The following LRSAM1 variants were observed in gnomAD, a reference collection of about 807,000 sequenced individuals.
LRSAM1 encodes E3 ubiquitin-protein ligase LRSAM1.
In LRSAM1, 96 loss-of-function variants were observed where a neutral mutation model predicts 118.1. The ratio of observed to expected loss-of-function variants is 0.81; its 90% CI spans 0.69 to 0.96. The LOEUF (loss-of-function observed/expected upper bound fraction) is 0.96. Among genes scored for constraint, LRSAM1 ranks in the 40% least tolerant of loss-of-function variants. The probability of loss-of-function intolerance (pLI) is 0.00; values close to 1 mark genes in which losing one functional copy is unlikely to be tolerated. For missense variants in LRSAM1, 804 were observed against 915.5 expected, an observed-to-expected ratio of 0.88 and a Z score of 1.57; for synonymous variants, 322 against 364.2, an observed-to-expected ratio of 0.88 and a Z score of 1.32.
In LRSAM1 at chr9:127,478,924, T is replaced by G; in HGVS notation, c.751-10T>G. 1 of 1,614,084 alleles carries G rather than the reference T, an allele frequency of 6.2e-7. No individual in the cohort carries two copies. The highest frequency in any genetic ancestry group is 8.5e-7 in the Non-Finnish European group (1 of 1,179,952). The stretch of plus-strand genomic sequence containing the variant: ...ACCCTCTCTTGACCACTGTCTTTTT[T>G]TCCTCCCAGAACAGGTTCTCAGACT... On this transcript the variant is annotated splice_polypyrimidine_tract_variant and intron_variant, in intron 11 of 25. Transcript: ENST00000300417.
At chr9:127,466,992 T>C (rs1834976195) in intron 9 of LRSAM1, among the ~76,000 whole-genome samples, 1 of 152,116 alleles carries the variant, frequency 6.6e-6, no homozygotes, top group Non-Finnish European at 1.5e-5. Context: ...AATGAGACCC[T>C]GTCTCAGAAA....
chr9:127,463,846 G>A (rs1357180133), intron 9 of LRSAM1, among the ~76,000 whole-genome samples: 2 of 152,180 alleles, frequency 1.3e-5, no homozygotes, highest in Non-Finnish European at 1.5e-5. Flanking sequence ...ACCTGGAATC[G>A]CTCCGTGTAT....
chr9:127,466,520 T>A (rs1221172904), intron 9 of LRSAM1, among the ~76,000 whole-genome samples: 7 of 96,438 alleles, frequency 7.3e-5, no homozygotes, highest in East Asian at 6.2e-4. Flanking sequence ...TTTTTTTTTT[T>A]TTTTTTTTTT....
rs370502826 is a variant in LRSAM1 at position 127,467,841 on chromosome 9, G to A, written c.619+11G>A. 3.1e-5 allele frequency: 48 copies of A among 1,570,536 alleles called. 1 individual carries two copies. In the Middle Eastern group the frequency reaches 7.2e-4, roughly 24 times the overall value. On this transcript the variant is annotated intron_variant, in intron 10 of 25. Transcript: ENST00000300417. The stretch of plus-strand genomic sequence containing the variant: ...AGTTCCTCTGCAAAGGTAAAGCCAG[G>A]CCGCTGCCTCCTCCCCTCATTGAGG...
chr9:127,494,144 C>T (rs940471357), intron 21 of LRSAM1, among the ~76,000 whole-genome samples: 8 of 152,226 alleles, frequency 5.3e-5, no homozygotes, highest in African/African-American at 1.4e-4. Flanking sequence ...GAGGAAGCAC[C>T]GCCCCAGCAG....
intron 2 of LRSAM1, chr9:127,453,554 C>T (rs1834401256): frequency 6.6e-6 from 1 of 152,428 alleles, no homozygotes; most frequent in African/African-American, 2.4e-5. Flanking sequence ...TGATCCTGCT[C>T]TGACAGCGTT....
In LRSAM1 at chr9:127,491,202, G is replaced by A. The variant is rs751110136; in HGVS notation, c.1423-13G>A. The A allele has an allele frequency of 1.2e-5, 20 of 1,610,814 alleles. No individual in the cohort carries two copies. The highest frequency in any genetic ancestry group is 4.4e-5 in the South Asian group (4 of 91,040). Reference sequence around the variant, plus strand: ...TGTGAGTAAAAAAAAACCCTGTCTCGTCTTCTGTTTAGATTAAGTTAATAG... The same window carrying A: ...TGTGAGTAAAAAAAAACCCTGTCTCATCTTCTGTTTAGATTAAGTTAATAG... On this transcript the variant is annotated splice_polypyrimidine_tract_variant and intron_variant, in intron 19 of 25. Transcript: ENST00000300417.
At chr9:127,468,005 G>A (rs1432798582) in intron 10 of LRSAM1, among the ~76,000 whole-genome samples, 175 bp downstream of exon 10, 1 of 152,260 alleles carries the variant, frequency 6.6e-6, no homozygotes, top group Non-Finnish European at 1.5e-5. Flanking sequence ...CAGGGAAATA[G>A]ATACAGACTG....
intron 6 of LRSAM1, among the ~76,000 whole-genome samples, 183 bp downstream of exon 6, chr9:127,457,576 A>G (rs1427573234): frequency 6.6e-6 from 1 of 152,216 alleles, no homozygotes; most frequent in Non-Finnish European, 1.5e-5. Context: ...AGGGTGACAA[A>G]GATGACCAGC....
At chr9:127,494,419 T>C (rs1836046312) in intron 21 of LRSAM1, among the ~76,000 whole-genome samples, 1 of 152,236 alleles carries the variant, frequency 6.6e-6, no homozygotes, top group African/African-American at 2.4e-5. Context: ...GGCAGGTTAC[T>C]CATCACCCTG....
intron 24 of LRSAM1, among the ~76,000 whole-genome samples, chr9:127,497,604 T>C (rs1004574713): frequency 2.6e-5 from 4 of 152,154 alleles, no homozygotes; most frequent in Non-Finnish European, 5.9e-5. Flanking sequence ...TAGCCTTCCC[T>C]CAGTCCACCC....
rs1223306334 is a variant in LRSAM1 at position 127,496,105 on chromosome 9, A to C, written c.1830+10A>C. On this transcript the variant is annotated intron_variant, in intron 23 of 25. Transcript: ENST00000300417. ...AGGGGACCTGGCCAAGGTGGGCAGC[A>C]GCCGTCTGCATGGAGGGGAGGGGCA... The C allele has an allele frequency of 6.2e-7, 1 of 1,607,218 alleles. No homozygotes were observed. Among genetic ancestry groups the C allele is most frequent in the Admixed American group, 1.7e-5 (1 of 60,020 alleles).
At chr9:127,488,942 C>T (rs575580174) in intron 18 of LRSAM1, among the ~76,000 whole-genome samples, 2 of 152,270 alleles carry the variant, frequency 1.3e-5, no homozygotes, top group South Asian at 4.1e-4. Context: ...CTTCTTCCCT[C>T]GCCTTTCTCC....
At chr9:127,480,739 G>A (rs532278475) in intron 14 of LRSAM1, among the ~76,000 whole-genome samples, 125 of 152,330 alleles carry the variant, frequency 8.2e-4, no homozygotes, top group Non-Finnish European at 1.3e-3. Context: ...TGAGGCTGGA[G>A]TGCAGTGGTG....
Position 127,455,561 on chromosome 9 carries a change from T to TTTATC in LRSAM1, c.130-6_130-2dup. 2.5e-6 allele frequency: 4 copies of TTTATC among 1,614,066 alleles called. No homozygotes were observed. The highest frequency in any genetic ancestry group is 2.5e-6 in the Non-Finnish European group (3 of 1,179,900). On this transcript the variant is annotated splice_polypyrimidine_tract_variant and intron_variant, in intron 4 of 25. Coordinates refer to ENST00000300417, the MANE Select transcript of LRSAM1 (RefSeq NM_001005373.4). ...GCAGGAGGGGAGACACTTACTCTTCTTTATCTTATCTTAGATTCCATTTGG... is the reference window on the plus strand; with the variant it reads ...GCAGGAGGGGAGACACTTACTCTTCTTTATCTTATCTTATCTTAGATTCCATTTGG...
intron 6 of LRSAM1, among the ~76,000 whole-genome samples, chr9:127,458,074 G>A (rs1025315621): frequency 2.7e-5 from 4 of 150,872 alleles, no homozygotes; most frequent in Non-Finnish European, 5.9e-5. Context: ...CCTTTTTTGT[G>A]CATTTTCATT....
Position 127,483,033 on chromosome 9 carries a change from A to T in LRSAM1, c.1159+13A>T, listed in dbSNP as rs756667241. The T allele has an allele frequency of 8.3e-5, 134 of 1,606,426 alleles. No individual in the cohort carries two copies. Among genetic ancestry groups the T allele is most frequent in the Non-Finnish European group, 1.1e-4 (131 of 1,176,584 alleles). ...CGTGACGTTGCCTGTGAGTTTTGGG[A>T]TGGGGAGCTTGTGAGCACGCTGCCT... On this transcript the variant is annotated intron_variant, in intron 16 of 25. Coordinates refer to ENST00000300417, the MANE Select transcript of LRSAM1 (RefSeq NM_001005373.4).
intron 22 of LRSAM1, 92 bp from the exon 23 acceptor site, chr9:127,495,872 T>TATG: frequency 1.3e-6 from 2 of 1,535,472 alleles, no homozygotes; most frequent in South Asian, 1.2e-5. Flanking sequence ...TTCTATGTAT[T>TATG]ATGTTATAAA....
At chr9:127,466,505 T>TATATATATATATATATATATATA (rs61032058) in intron 9 of LRSAM1, among the ~76,000 whole-genome samples, 1 of 18,992 alleles carries the variant, frequency 5.3e-5, no homozygotes, top group East Asian at 1.3e-3. Context: ...TATATATATA[T>TATATATATATATATATATATATA]TTTTTTTTTT....
Sources: gnomAD v4.1 joint callset for allele counts (sites outside exome capture counted in the v4.1 genomes callset) on GRCh38, gnomAD v4.1.1 for gene constraint, MANE v1.5 for transcripts, NCBI Gene and HGNC (gene_info 2026-07-23, HGNC 2026-07-21) for gene names.